The following KCNK2 variants were observed in gnomAD, a reference collection of about 807,000 sequenced individuals.
KCNK2 encodes potassium channel subfamily K member 2.
A neutral mutation model predicts 40.5 loss-of-function variants in KCNK2; 21 were observed. That is an observed-to-expected ratio of 0.52 (90% confidence interval 0.37 to 0.75). The LOEUF (loss-of-function observed/expected upper bound fraction) is 0.75, where lower values mean the gene tolerates loss of function less well. Ranked by LOEUF, KCNK2 falls within the 30% of genes least tolerant of loss-of-function variation. The probability of loss-of-function intolerance (pLI) is 0.00; values close to 1 mark genes in which losing one functional copy is unlikely to be tolerated. For synonymous variants in KCNK2, 191 were observed against 202.2 expected (o/e 0.94, Z 0.47); for missense variants, 399 against 531.6 (o/e 0.75, Z 2.45).
intron 6 of KCNK2, among the ~76,000 whole-genome samples, chr1:215,213,300 A>AT (rs1252867412): frequency 2.6e-5 from 4 of 152,216 alleles, no homozygotes; most frequent in Admixed American, 2.0e-4. Flanking sequence ...AAATAAGCAG[A>AT]TTAAACTTTA....
intron 1 of KCNK2, among the ~76,000 whole-genome samples, chr1:215,063,128 GT>G (rs1424483813): frequency 6.6e-6 from 1 of 152,070 alleles, no homozygotes; most frequent in Non-Finnish European, 1.5e-5. Context: ...TGGGAGAGTG[GT>G]CTGTTTGTGG....
At chr1:215,119,448 A>G (rs2102573979) in intron 2 of KCNK2, among the ~76,000 whole-genome samples, 1 of 152,302 alleles carries the variant, frequency 6.6e-6, no homozygotes, top group East Asian at 1.9e-4. Flanking sequence ...TATCATGTGT[A>G]TGAGTATAAG....
intron 2 of KCNK2, among the ~76,000 whole-genome samples, chr1:215,094,278 C>A (rs1050397069): frequency 6.6e-6 from 1 of 151,956 alleles, no homozygotes; most frequent in Admixed American, 6.6e-5. Context: ...AAATAGCCTG[C>A]AAAATGTCTA....
In KCNK2 at chr1:215,195,050, T is replaced by C; in HGVS notation, c.921T>C (p.Ile307=). 1.2e-6 allele frequency: 2 copies of C among 1,612,520 alleles called. No individual in the cohort carries two copies. Among genetic ancestry groups the C allele is most frequent in the Non-Finnish European group, 1.7e-6 (2 of 1,179,058 alleles). Residue 307 remains isoleucine, a synonymous_variant, in exon 6 of 7, where the codon ATT becomes ATC. Transcript: ENST00000444842. ...LAYFAAVLSM[I]GDWLRVISKK... ...ACTTTGCTGCTGTCCTGAGCATGAT[T>C]GGAGATTGGCTCCGAGTGATATCTA...
chr1:215,218,845 T>C (rs1666058411), intron 6 of KCNK2, among the ~76,000 whole-genome samples: 1 of 152,222 alleles, frequency 6.6e-6, no homozygotes, highest in Admixed American at 6.5e-5. Flanking sequence ...GTTTCTGTAC[T>C]AATATATTAT....
intron 6 of KCNK2, among the ~76,000 whole-genome samples, chr1:215,201,517 T>A (rs1022357045): frequency 6.6e-6 from 1 of 152,158 alleles, no homozygotes; most frequent in African/African-American, 2.4e-5. Flanking sequence ...TAGAAATCCA[T>A]ATGAATGGTG....
chr1:215,134,746 C>T (rs1272586614), intron 3 of KCNK2, among the ~76,000 whole-genome samples: 1 of 151,964 alleles, frequency 6.6e-6, no homozygotes, highest in Non-Finnish European at 1.5e-5. Flanking sequence ...GCTCCTATCA[C>T]CCAGGAAATT....
In KCNK2 at chr1:215,225,841, A is replaced by G. The variant is rs561134254; in HGVS notation, c.964-8987A>G. Among the ~76,000 whole-genome samples, 4 of 152,278 alleles carry G rather than the reference A, an allele frequency of 2.6e-5. No homozygotes were observed. The South Asian group carries it at 8.3e-4, about 32-fold the overall frequency. On this transcript the variant is annotated intron_variant, in intron 6 of 6. Coordinates refer to ENST00000444842, the MANE Select transcript of KCNK2 (RefSeq NM_001017425.3). ...TGGAGAGGGTAGGAAGGAAGGTTGA[A>G]CTTGATAAGAAACAGAACAATGGTC...
At chr1:215,101,797 A>C (rs1295640940) in intron 2 of KCNK2, among the ~76,000 whole-genome samples, 1 of 152,026 alleles carries the variant, frequency 6.6e-6, no homozygotes, top group East Asian at 1.9e-4. Context: ...TCAATGCATT[A>C]CTCAAGTGTT....
At position 215,154,721 on chromosome 1, in the gene KCNK2, G is replaced by A. The variant is rs61956931; in HGVS notation, c.476-14478G>A. Among the ~76,000 whole-genome samples the A allele has an allele frequency of 5.4e-3, 828 of 152,054 alleles. 5 individuals carry two copies. Among genetic ancestry groups the A allele is most frequent in the African/African-American group, 0.018 (757 of 41,506 alleles). On this transcript the variant is annotated intron_variant, in intron 3 of 6. Coordinates refer to ENST00000444842, the MANE Select transcript of KCNK2 (RefSeq NM_001017425.3). ...GGGTTTTTATGGTTTTTGGTCTTAC[G>A]TTTAAGTCTTTAATCCATCTTGAGT...
At chr1:215,009,989 A>C (rs539877734) in intron 1 of KCNK2, among the ~76,000 whole-genome samples, 3 of 152,216 alleles carry the variant, frequency 2.0e-5, no homozygotes, top group African/African-American at 7.2e-5. Context: ...ACTGTATTTT[A>C]TGTGTGTGTG....
At chr1:215,061,332 T>C (rs1206479401) in intron 1 of KCNK2, among the ~76,000 whole-genome samples, 2 of 152,276 alleles carry the variant, frequency 1.3e-5, no homozygotes, top group East Asian at 1.9e-4. Flanking sequence ...AAAATCAAGT[T>C]TGTCATTCTT....
At chr1:215,233,483 C>T (rs1538542) in intron 6 of KCNK2, among the ~76,000 whole-genome samples, 2 of 148,790 alleles carry the variant, frequency 1.3e-5, no homozygotes, top group African/African-American at 5.0e-5. Flanking sequence ...CACGTACACA[C>T]ACACACATTT....
intron 6 of KCNK2, among the ~76,000 whole-genome samples, chr1:215,215,350 G>A (rs1430394293): frequency 2.0e-5 from 3 of 151,870 alleles, no homozygotes; most frequent in East Asian, 1.9e-4. Context: ...TGTAATACAG[G>A]CTTCATAAAA....
At chr1:215,090,423 G>A (rs901089184) in intron 2 of KCNK2, among the ~76,000 whole-genome samples, 1 of 152,170 alleles carries the variant, frequency 6.6e-6, no homozygotes, top group Non-Finnish European at 1.5e-5. Context: ...AATATTTGAT[G>A]TAAAGTTTCC....
chr1:215,142,740 A>C (rs1662238402), intron 3 of KCNK2, among the ~76,000 whole-genome samples: 1 of 152,072 alleles, frequency 6.6e-6, no homozygotes, highest in Non-Finnish European at 1.5e-5. Flanking sequence ...CTGAGTATAA[A>C]ATTTTCCATA....
At chr1:215,068,174 T>C (rs141451714) in intron 1 of KCNK2, among the ~76,000 whole-genome samples, 3 of 152,054 alleles carry the variant, frequency 2.0e-5, no homozygotes, top group Non-Finnish European at 2.9e-5. Flanking sequence ...TAGTACTATA[T>C]AAATGATAAT....
chr1:215,043,360 G>A (rs1010831490), intron 1 of KCNK2, among the ~76,000 whole-genome samples: 1 of 152,206 alleles, frequency 6.6e-6, no homozygotes, highest in African/African-American at 2.4e-5. Flanking sequence ...GTTCATAACA[G>A]CATTATTCAC....
intron 2 of KCNK2, among the ~76,000 whole-genome samples, chr1:215,112,369 AG>A (rs1660734446): frequency 6.6e-6 from 1 of 151,974 alleles, no homozygotes; most frequent in African/African-American, 2.4e-5. Context: ...GTTAAAAAAA[AG>A]ATTATGGAAT....
Sources: allele counts gnomAD v4.1 joint callset (sites outside exome capture counted in the v4.1 genomes callset), GRCh38; gene constraint gnomAD v4.1.1; transcripts MANE v1.5; gene names NCBI Gene and HGNC (gene_info 2026-07-23, HGNC 2026-07-21).